Variants in NF1 observed in about 807,000 individuals in gnomAD.
The protein encoded by NF1 is neurofibromin.
Under a neutral mutation model 325.7 loss-of-function variants are expected in NF1, and 122 were observed. The ratio of observed to expected loss-of-function variants is 0.37; its 90% CI spans 0.32 to 0.44. NF1 has a LOEUF of 0.44. Ranked by LOEUF, NF1 falls within the 20% of genes least tolerant of loss-of-function variation. The pLI is 1.00. For synonymous variants in NF1, 1,091 were observed against 1,186.0 expected (o/e 0.92, Z 1.65); for missense variants, 2,140 against 3,415.4 (o/e 0.63, Z 9.31).
At chr17:31,291,102 T>G (rs1387751807) in intron 36 of NF1, among the ~76,000 whole-genome samples, 1 of 152,218 alleles carries the variant, frequency 6.6e-6, no homozygotes, top group Non-Finnish European at 1.5e-5. Flanking sequence ...TAAGTGAACT[T>G]AAGGTTCCAA....
intron 1 of NF1, chr17:31,137,148 C>T (rs1915843057): frequency 6.6e-6 from 1 of 152,096 alleles, no homozygotes; most frequent in South Asian, 2.1e-4. Flanking sequence ...TGTAGTTTCA[C>T]CAAAATGTTT....
intron 48 of NF1, 63 bp downstream of exon 48, chr17:31,343,198 A>G (rs960692705): frequency 7.0e-6 from 10 of 1,419,714 alleles, no homozygotes; most frequent in Non-Finnish European, 8.9e-6. Context: ...AGTAATTTGA[A>G]TAAGTGATTA....
intron 57 of NF1, among the ~76,000 whole-genome samples, chr17:31,369,930 A>G (rs898274024): frequency 6.6e-6 from 1 of 152,238 alleles, no homozygotes; most frequent in Non-Finnish European, 1.5e-5. Context: ...AGAACTAGAT[A>G]CTATGATCAT....
At chr17:31,232,272 A>G in intron 25 of NF1, 83 bp downstream of exon 25, 2 of 833,202 alleles carry the variant, frequency 2.4e-6, no homozygotes, top group South Asian at 1.4e-5. Context: ...AATAATACCC[A>G]TGACAGGACT....
At chr17:31,342,153 G>C (rs973330407) in intron 47 of NF1, among the ~76,000 whole-genome samples, 1 of 152,174 alleles carries the variant, frequency 6.6e-6, no homozygotes, top group African/African-American at 2.4e-5. Flanking sequence ...AATTAGAAAG[G>C]AACTAAGAAG....
At chr17:31,208,905 A>C (rs1429624340) in intron 12 of NF1, among the ~76,000 whole-genome samples, 1 of 152,132 alleles carries the variant, frequency 6.6e-6, no homozygotes, top group Non-Finnish European at 1.5e-5. Context: ...AAAAAAATCA[A>C]ACAAAAAAAC....
intron 57 of NF1, among the ~76,000 whole-genome samples, chr17:31,367,853 G>A (rs548021361): frequency 6.6e-6 from 1 of 151,940 alleles, no homozygotes; most frequent in East Asian, 1.9e-4. Flanking sequence ...AATACAAAAA[G>A]CTATTCACAG....
chr17:31,348,838 A>G (rs1014410010), intron 48 of NF1, among the ~76,000 whole-genome samples: 4 of 152,028 alleles, frequency 2.6e-5, no homozygotes, highest in Non-Finnish European at 4.4e-5. Flanking sequence ...GGAATAGAAG[A>G]TCTGAAAGAC....
At chr17:31,352,930 T>C (rs1298242296) in intron 51 of NF1, among the ~76,000 whole-genome samples, 1 of 152,180 alleles carries the variant, frequency 6.6e-6, no homozygotes, top group Non-Finnish European at 1.5e-5. Flanking sequence ...TTTCTTGATA[T>C]GAAGTCTTGT....
chr17:31,371,657 A>G (rs1171647983), intron 57 of NF1, among the ~76,000 whole-genome samples: 8 of 152,276 alleles, frequency 5.3e-5, no homozygotes, highest in Admixed American at 5.2e-4. Flanking sequence ...AGATTAGAAC[A>G]TGACTAGCCT....
intron 36 of NF1, chr17:31,296,316 A>G: frequency 6.2e-7 from 1 of 1,614,038 alleles, no homozygotes; most frequent in Non-Finnish European, 8.5e-7. Context: ...GACATTTTCA[A>G]TATCTGATAT....
intron 51 of NF1, among the ~76,000 whole-genome samples, chr17:31,354,357 T>A (rs1567625933): frequency 6.6e-6 from 1 of 151,902 alleles, no homozygotes; most frequent in Non-Finnish European, 1.5e-5. Context: ...TTAAGAGCAG[T>A]GGGGAATAGC....
chr17:31,326,429 C>T (rs771603401), intron 37 of NF1, among the ~76,000 whole-genome samples, 177 bp downstream of exon 37: 27 of 152,146 alleles, frequency 1.8e-4, no homozygotes, highest in Non-Finnish European at 3.5e-4. Flanking sequence ...GGGCAGATCA[C>T]GTGAGGTCAG....
intron 39 of NF1, chr17:31,334,556 A>G (rs1288098120): frequency 5.2e-6 from 2 of 385,496 alleles, no homozygotes; most frequent in Non-Finnish European, 9.6e-6. Flanking sequence ...ATTTCCTTTT[A>G]TAATGAGAAT....
chr17:31,095,507 A>AG, intron 1 of NF1, 138 bp downstream of exon 1: 2 of 419,576 alleles, frequency 4.8e-6, no homozygotes, highest in Non-Finnish European at 7.8e-6. Context: ...AGAGAAGGGA[A>AG]GGGGGGATAA....
intron 56 of NF1, 56 bp from the exon 57 acceptor site, chr17:31,360,431 G>T: frequency 6.8e-7 from 1 of 1,481,202 alleles, no homozygotes; most frequent in Non-Finnish European, 9.4e-7. Flanking sequence ...TTTGGCTTCA[G>T]ATGGGGATTT....
At chr17:31,225,492 A>G (rs1025755743) in intron 17 of NF1, among the ~76,000 whole-genome samples, 1 of 152,158 alleles carries the variant, frequency 6.6e-6, no homozygotes, top group African/African-American at 2.4e-5. Flanking sequence ...AGGGTTAAAT[A>G]AAAGGATGTG....
intron 15 of NF1, chr17:31,222,615 A>G: frequency 1.2e-6 from 1 of 805,464 alleles, no homozygotes; most frequent in Non-Finnish European, 1.5e-6. Flanking sequence ...TTTACTTACT[A>G]CATTAAAGAG....
Position 31,337,483 on chromosome 17 carries a change from T to C in NF1, c.6543T>C (p.Ser2181=). ...KSAAVIAFRS[S]YRDRSFSPGS... is the part of the protein sequence containing the mutation. ...CTGCTGTCATTGCCTTCCGTTCCAG[T>C]TACCGGGACAGGTCATTCTCTCCTG... Residue 2181 remains serine, a synonymous_variant, in exon 43 of 58, where the codon AGT becomes AGC. Transcript: ENST00000358273. 6.2e-7 allele frequency: 1 copy of C among 1,614,188 alleles called. No individual in the cohort carries two copies. Among genetic ancestry groups the C allele is most frequent in the Non-Finnish European group, 8.5e-7 (1 of 1,179,996 alleles).
Sources: allele counts gnomAD v4.1 joint callset (sites outside exome capture counted in the v4.1 genomes callset), GRCh38; gene constraint gnomAD v4.1.1; transcripts MANE v1.5; gene names NCBI Gene and HGNC (gene_info 2026-07-23, HGNC 2026-07-21).